The following GMDS variants were observed in gnomAD, a reference collection of about 807,000 sequenced individuals.
GMDS encodes GDP-mannose 4,6-dehydratase.
Under a neutral mutation model 49.9 loss-of-function variants are expected in GMDS, and 20 were observed. The ratio of observed to expected loss-of-function variants is 0.40; its 90% CI spans 0.28 to 0.58. The LOEUF is 0.58. Ranked by LOEUF, GMDS falls within the 20% of genes least tolerant of loss-of-function variation. The probability of loss-of-function intolerance (pLI) is 0.42; values close to 1 mark genes in which losing one functional copy is unlikely to be tolerated. For missense variants in GMDS, 362 were observed against 481.4 expected, an observed-to-expected ratio of 0.75 and a Z score of 2.32; for synonymous variants, 177 against 178.6, an observed-to-expected ratio of 0.99 and a Z score of 0.07.
chr6:1,794,367 T>A (rs1461683726), intron 7 of GMDS, among the ~76,000 whole-genome samples: 5 of 150,810 alleles, frequency 3.3e-5, no homozygotes, highest in Non-Finnish European at 7.4e-5. Context: ...ACCACTGAGG[T>A]GGTACAAAAC....
intron 8 of GMDS, among the ~76,000 whole-genome samples, chr6:1,733,380 G>C (rs532931466): frequency 1.3e-5 from 2 of 152,336 alleles, no homozygotes; most frequent in Non-Finnish European, 2.9e-5. Flanking sequence ...AGGGTGTCGG[G>C]AGCTGAATGG....
Position 1,635,015 on chromosome 6 carries a change from C to T in GMDS, c.988-10475G>A, listed in dbSNP as rs576919241. ...TTCTACGAATCAACAATGCCAGAAG[C>T]GAAGTTCTCCTAGTGGAGTCTGCGT... is the stretch of plus-strand genomic sequence containing the variant. On this transcript the variant is annotated intron_variant, in intron 9 of 10. Transcript: ENST00000380815. The surrounding 1 kb of genome is among the most constrained non-coding windows in gnomAD (Gnocchi z 4.7). Among the ~76,000 whole-genome samples the T allele has an allele frequency of 2.0e-5, 3 of 152,270 alleles. No individual in the cohort carries two copies. Among genetic ancestry groups the T allele is most frequent in the African/African-American group, 7.2e-5 (3 of 41,562 alleles).
intron 9 of GMDS, among the ~76,000 whole-genome samples, chr6:1,637,206 G>A (rs1763182057): frequency 6.6e-6 from 1 of 152,216 alleles, no homozygotes; most frequent in Non-Finnish European, 1.5e-5. Flanking sequence ...ATTGTCAGGT[G>A]GCAAAGGGTG....
chr6:1,978,499 C>T (rs998565055), intron 4 of GMDS, among the ~76,000 whole-genome samples: 1 of 152,118 alleles, frequency 6.6e-6, no homozygotes, highest in Non-Finnish European at 1.5e-5. Context: ...GGCCAGACTG[C>T]TTCTTTAAGC....
At chr6:1,865,869 A>T (rs1758417032) in intron 7 of GMDS, among the ~76,000 whole-genome samples, 1 of 152,114 alleles carries the variant, frequency 6.6e-6, no homozygotes, top group South Asian at 2.1e-4. Context: ...AAGGCGGCTG[A>T]GGGCGTACAA....
chr6:1,711,614 T>G (rs771080800), intron 9 of GMDS, among the ~76,000 whole-genome samples: 14 of 152,360 alleles, frequency 9.2e-5, no homozygotes, highest in South Asian at 2.1e-4. Context: ...CCTGTGATTT[T>G]GGAGATACTA....
intron 1 of GMDS, among the ~76,000 whole-genome samples, chr6:2,194,535 CTTACT>C (rs2127571791): frequency 6.6e-6 from 1 of 152,232 alleles, no homozygotes; most frequent in African/African-American, 2.4e-5. Flanking sequence ...ATTTTACTTC[CTTACT>C]TTATCAATCA....
intron 8 of GMDS, among the ~76,000 whole-genome samples, chr6:1,731,936 G>C (rs1348039406): frequency 6.6e-6 from 1 of 152,222 alleles, no homozygotes; most frequent in Non-Finnish European, 1.5e-5. Context: ...CTGGAGCAGA[G>C]TATGGGGTAA....
At chr6:1,742,670 A>T in intron 7 of GMDS, 84 bp from the exon 8 acceptor site, 1 of 741,406 alleles carries the variant, frequency 1.3e-6, no homozygotes, top group Non-Finnish European at 2.4e-6. Flanking sequence ...TCAGATATGG[A>T]CATCGACAGC....
chr6:1,709,197 A>G (rs1180435417), intron 9 of GMDS, among the ~76,000 whole-genome samples: 2 of 152,222 alleles, frequency 1.3e-5, no homozygotes, highest in African/African-American at 2.4e-5. Flanking sequence ...GTGTCTACAG[A>G]ACCAGAGTGC....
intron 4 of GMDS, among the ~76,000 whole-genome samples, chr6:1,991,314 A>G (rs1765923773): frequency 6.6e-6 from 1 of 152,032 alleles, no homozygotes; most frequent in African/African-American, 2.4e-5. Flanking sequence ...TTCTGGTCTC[A>G]TATAAGTGCT....
chr6:1,845,876 G>T (rs1757382575), intron 7 of GMDS, among the ~76,000 whole-genome samples: 1 of 151,990 alleles, frequency 6.6e-6, no homozygotes, highest in Non-Finnish European at 1.5e-5. Context: ...TTCCTAACAG[G>T]CCATGGACCA....
intron 8 of GMDS, among the ~76,000 whole-genome samples, chr6:1,734,269 T>C (rs1054287532): frequency 1.3e-5 from 2 of 152,194 alleles, no homozygotes; most frequent in Admixed American, 1.3e-4. Flanking sequence ...GGAATAACCA[T>C]CTACCACAAA....
intron 9 of GMDS, among the ~76,000 whole-genome samples, chr6:1,646,970 C>T (rs1763504664): frequency 6.6e-6 from 1 of 152,070 alleles, no homozygotes; most frequent in Non-Finnish European, 1.5e-5. Flanking sequence ...ACCTTGATGG[C>T]TCCTGTGGGC....
intron 1 of GMDS, among the ~76,000 whole-genome samples, chr6:2,142,768 C>T (rs184718811): frequency 7.8e-4 from 119 of 152,186 alleles, no homozygotes; most frequent in Admixed American, 1.6e-3. Context: ...GCAAGGTGGC[C>T]GGGCAAGTTT....
chr6:1,784,315 C>T (rs1412303350), intron 7 of GMDS, among the ~76,000 whole-genome samples: 1 of 145,496 alleles, frequency 6.9e-6, no homozygotes, highest in African/African-American at 2.6e-5. Context: ...TCACTTGAAC[C>T]TGGGAGGTGG....
At chr6:1,659,196 T>C (rs1763986444) in intron 9 of GMDS, among the ~76,000 whole-genome samples, 1 of 150,998 alleles carries the variant, frequency 6.6e-6, no homozygotes, top group African/African-American at 2.4e-5. Flanking sequence ...CTGTGGGCTC[T>C]TCGGTGGCAG....
chr6:1,909,386 A>T (rs1317719470), intron 7 of GMDS, among the ~76,000 whole-genome samples: 1 of 152,244 alleles, frequency 6.6e-6, no homozygotes. Context: ...AGTACAAATC[A>T]AAGACCCAAA....
chr6:1,901,451 T>C (rs188672367), intron 7 of GMDS, among the ~76,000 whole-genome samples: 25 of 152,146 alleles, frequency 1.6e-4, no homozygotes, highest in Non-Finnish European at 2.2e-4. Flanking sequence ...AAAAAATATA[T>C]AATGAAAAAG....
Sources: allele counts gnomAD v4.1 joint callset (sites outside exome capture counted in the v4.1 genomes callset), GRCh38; gene constraint gnomAD v4.1.1; non-coding constraint Gnocchi (gnomAD v3.1); transcripts MANE v1.5; gene names NCBI Gene and HGNC (gene_info 2026-07-23, HGNC 2026-07-21).